ANO3: variants seen among roughly 807,000 people sequenced by gnomAD.
ANO3 encodes the protein anoctamin 3.
In ANO3, 99 loss-of-function variants were observed where a neutral mutation model predicts 144.8. The observed-to-expected ratio is 0.68, with a 90% CI of 0.58 to 0.81. The LOEUF is 0.81. Ranked by LOEUF, ANO3 falls within the 30% of genes least tolerant of loss-of-function variation. The pLI, the probability that ANO3 is intolerant of heterozygous loss-of-function variation, is 0.00. For synonymous variants in ANO3, 414 were observed against 392.6 expected, an observed-to-expected ratio of 1.05 and a Z score of -0.64; for missense variants, 905 against 1,202.2, an observed-to-expected ratio of 0.75 and a Z score of 3.66.
chr11:26,643,904 C>T (rs1853254305), intron 23 of ANO3, among the ~76,000 whole-genome samples: 1 of 152,176 alleles, frequency 6.6e-6, no homozygotes, highest in South Asian at 2.1e-4. Flanking sequence ...CGTTTGTCCC[C>T]TCCAGAGGAT....
In ANO3 at chr11:26,599,136, A is replaced by G. The variant is rs1477506200; in HGVS notation, c.1671+138A>G. 4 of 905,178 alleles carry G rather than the reference A, an allele frequency of 4.4e-6. No individual in the cohort carries two copies. In the Admixed American group the frequency reaches 8.6e-5, roughly 19 times the overall value. The allele number at this position is 905,178 out of a possible 1,614,324, so 56.1% of individuals were successfully genotyped here. A position where few individuals can be genotyped will look rare whatever the true frequency, so the allele number is the denominator to read the frequency against. The stretch of plus-strand genomic sequence containing the variant: ...AACAACTTGGTAACACGTACAATTA[A>G]ACAAACAAATCACAACAGGTTATGG... On this transcript the variant is annotated intron_variant, in intron 16 of 26. Coordinates refer to ENST00000256737, the MANE Select transcript of ANO3 (RefSeq NM_031418.4).
chr11:26,463,178 T>A, intron 4 of ANO3, 30 bp downstream of exon 4: 1 of 1,161,600 alleles, frequency 8.6e-7, no homozygotes, highest in Non-Finnish European at 1.3e-6. Context: ...CAATAAGTCA[T>A]TTTTAGAGCA....
intron 26 of ANO3, 42 bp from the exon 27 acceptor site, chr11:26,660,220 C>T: frequency 6.3e-7 from 1 of 1,576,210 alleles, no homozygotes; most frequent in Non-Finnish European, 8.7e-7. Flanking sequence ...ATTAGCATTT[C>T]AGAATCTTTG....
At chr11:26,626,087 C>T (rs887860740) in intron 18 of ANO3, among the ~76,000 whole-genome samples, 4 of 152,180 alleles carry the variant, frequency 2.6e-5, no homozygotes, top group African/African-American at 9.7e-5. Flanking sequence ...CATTCTGATT[C>T]CCAGTCCTTT....
At chr11:26,455,859 C>T (rs1490625897) in intron 3 of ANO3, among the ~76,000 whole-genome samples, 5 of 151,590 alleles carry the variant, frequency 3.3e-5, no homozygotes, top group East Asian at 1.9e-4. Context: ...CAGCATGGTA[C>T]TGGCACCAAA....
chr11:26,489,015 A>G (rs1565056615), intron 4 of ANO3, among the ~76,000 whole-genome samples: 2 of 152,158 alleles, frequency 1.3e-5, no homozygotes, highest in African/African-American at 2.4e-5. Context: ...TGATTGGTAC[A>G]TTCACAATCC....
chr11:26,357,661 A>T (rs956110473), intron 1 of ANO3, among the ~76,000 whole-genome samples: 2 of 152,036 alleles, frequency 1.3e-5, no homozygotes, highest in African/African-American at 4.8e-5. Context: ...TCCTATTAAC[A>T]GGGTATTTTA....
chr11:26,308,715 T>C (rs1043699495), upstream of ANO3, among the ~76,000 whole-genome samples: 6 of 152,178 alleles, frequency 3.9e-5, no homozygotes, highest in South Asian at 2.1e-4. Context: ...TTCAAAGATA[T>C]GGTATCCACC....
At chr11:26,534,819 T>G (rs1849463574) in intron 9 of ANO3, among the ~76,000 whole-genome samples, 1 of 152,180 alleles carries the variant, frequency 6.6e-6, no homozygotes, top group African/African-American at 2.4e-5. Flanking sequence ...TTCTTGAAAT[T>G]TATCCCCCTC....
chr11:26,622,274 T>C (rs913742055), intron 17 of ANO3, among the ~76,000 whole-genome samples: 17 of 152,090 alleles, frequency 1.1e-4, no homozygotes, highest in African/African-American at 4.1e-4. Flanking sequence ...ATTGCCATCC[T>C]AAGTTTGCAG....
intron 14 of ANO3, among the ~76,000 whole-genome samples, chr11:26,578,915 A>G (rs771139879): frequency 1.2e-4 from 18 of 152,184 alleles, no homozygotes; most frequent in Non-Finnish European, 2.5e-4. Flanking sequence ...TTTTGTGGAG[A>G]TACCATAACT....
At chr11:26,594,957 G>T (rs2132908874) in intron 14 of ANO3, among the ~76,000 whole-genome samples, 1 of 152,128 alleles carries the variant, frequency 6.6e-6, no homozygotes, top group Admixed American at 6.5e-5. Flanking sequence ...AATATAAGTT[G>T]TTTCTTTCTT....
intron 5 of ANO3, among the ~76,000 whole-genome samples, chr11:26,515,216 T>C (rs1861815699): frequency 6.6e-6 from 1 of 152,034 alleles, no homozygotes; most frequent in Admixed American, 6.6e-5. Context: ...TGCACTGACA[T>C]GAAAGCATCT....
chr11:26,438,314 G>A (rs1331104241), intron 1 of ANO3, among the ~76,000 whole-genome samples: 1 of 151,972 alleles, frequency 6.6e-6, no homozygotes, highest in Non-Finnish European at 1.5e-5. Context: ...TCAAAATTAA[G>A]AACTTCTGCT....
intron 1 of ANO3, among the ~76,000 whole-genome samples, chr11:26,358,170 CTTT>C (rs34078380): frequency 0.018 from 2,192 of 119,610 alleles, 32 homozygotes; most frequent in African/African-American, 0.064. Flanking sequence ...ACAATTTCAA[CTTT>C]TTTTTTTTTT....
intron 1 of ANO3, among the ~76,000 whole-genome samples, chr11:26,200,953 A>T (rs1851681679): frequency 6.6e-6 from 1 of 152,152 alleles, no homozygotes; most frequent in South Asian, 2.1e-4. Flanking sequence ...TCAAAGTTTA[A>T]TTTTTATTGA....
chr11:26,484,101 G>T (rs1860343370), intron 4 of ANO3, among the ~76,000 whole-genome samples: 1 of 152,124 alleles, frequency 6.6e-6, no homozygotes, highest in East Asian at 1.9e-4. Context: ...GATGTTTCCT[G>T]GCTGCTTCTA....
At chr11:26,622,927 C>T (rs1852463606) in intron 17 of ANO3, among the ~76,000 whole-genome samples, 1 of 152,186 alleles carries the variant, frequency 6.6e-6, no homozygotes, top group Non-Finnish European at 1.5e-5. Flanking sequence ...ATAGTGGGTG[C>T]TCAAGTACTA....
intron 1 of ANO3, among the ~76,000 whole-genome samples, chr11:26,313,266 A>T (rs1055272925): frequency 6.6e-6 from 1 of 152,228 alleles, no homozygotes; most frequent in African/African-American, 2.4e-5. Context: ...TGTAACAGAC[A>T]CTGAGCAAAG....
Sources: gnomAD v4.1 joint callset for allele counts (sites outside exome capture counted in the v4.1 genomes callset) on GRCh38, gnomAD v4.1.1 for gene constraint, MANE v1.5 for transcripts, NCBI Gene and HGNC (gene_info 2026-07-23, HGNC 2026-07-21) for gene names.